The following KCNK1 variants were observed in gnomAD, a reference collection of about 807,000 sequenced individuals.
The protein encoded by KCNK1 is potassium two pore domain channel subfamily K member 1.
KCNK1 carries 10 observed loss-of-function variants against 22.2 expected under a neutral mutation model. That is an observed-to-expected ratio of 0.45 (90% confidence interval 0.28 to 0.76). KCNK1 has a LOEUF of 0.76. Ranked by LOEUF, KCNK1 falls within the 30% of genes least tolerant of loss-of-function variation. The pLI is 0.14. For missense variants in KCNK1, 378 were observed against 421.0 expected (o/e 0.90, Z 0.89); for synonymous variants, 200 against 186.4 (o/e 1.07, Z -0.60).
intron 1 of KCNK1, among the ~76,000 whole-genome samples, chr1:233,614,909 A>AT (rs1657459801): frequency 6.6e-6 from 1 of 152,152 alleles, no homozygotes; most frequent in African/African-American, 2.4e-5. Context: ...TCGGGTTTGA[A>AT]TGTGTAGCAG....
At chr1:233,630,100 A>G (rs1030284367) in intron 1 of KCNK1, among the ~76,000 whole-genome samples, 2 of 152,170 alleles carry the variant, frequency 1.3e-5, no homozygotes, top group African/African-American at 2.4e-5. Context: ...TGGTTCCACC[A>G]TCTGAATTCT....
chr1:233,664,813 C>CTG (rs929512388), intron 1 of KCNK1, among the ~76,000 whole-genome samples: 1 of 152,166 alleles, frequency 6.6e-6, no homozygotes, highest in African/African-American at 2.4e-5. Flanking sequence ...TATTTTTAAG[C>CTG]TGAGTGTATT....
At chr1:233,670,556 T>G (rs925385938) in intron 2 of KCNK1, among the ~76,000 whole-genome samples, 1 of 152,154 alleles carries the variant, frequency 6.6e-6, no homozygotes, top group African/African-American at 2.4e-5. Flanking sequence ...ACATCTTACA[T>G]GGATGGCAGC....
intron 1 of KCNK1, among the ~76,000 whole-genome samples, chr1:233,626,033 T>C (rs1175000253): frequency 6.6e-6 from 1 of 151,966 alleles, no homozygotes; most frequent in Non-Finnish European, 1.5e-5. Context: ...TGACTGACTG[T>C]TCCAACGCGT....
At chr1:233,640,628 G>A (rs1657984093) in intron 1 of KCNK1, among the ~76,000 whole-genome samples, 1 of 152,162 alleles carries the variant, frequency 6.6e-6, no homozygotes, top group South Asian at 2.1e-4. Flanking sequence ...CCTGTAAATT[G>A]TTCCAAAAGA....
At chr1:233,666,045 T>C (rs1440246733) in intron 1 of KCNK1, among the ~76,000 whole-genome samples, 3 of 152,368 alleles carry the variant, frequency 2.0e-5, no homozygotes, top group East Asian at 1.9e-4. Flanking sequence ...TCTATCTTCA[T>C]TGATTCTACT....
chr1:233,654,628 A>G (rs1317803830), intron 1 of KCNK1, among the ~76,000 whole-genome samples: 4 of 152,214 alleles, frequency 2.6e-5, no homozygotes, highest in Non-Finnish European at 5.9e-5. Flanking sequence ...ATGAAGAATG[A>G]GATAACGGGT....
chr1:233,664,014 T>C (rs918290685), intron 1 of KCNK1, among the ~76,000 whole-genome samples: 4 of 152,010 alleles, frequency 2.6e-5, no homozygotes, highest in African/African-American at 7.3e-5. Flanking sequence ...GTATTTTTAG[T>C]AGAGATGGGG....
At chr1:233,634,426 G>A (rs1049079359) in intron 1 of KCNK1, among the ~76,000 whole-genome samples, 14 of 152,146 alleles carry the variant, frequency 9.2e-5, no homozygotes, top group African/African-American at 2.9e-4. Flanking sequence ...TTTATGTGCG[G>A]ACAACAGGGC....
rs1355744116 is a variant in KCNK1 at position 233,671,576 on chromosome 1, A to C, written c.*46A>C. On this transcript the variant is annotated 3_prime_UTR_variant, in exon 3 of 3. Transcript: ENST00000366621. ...TGCTAGAGCACCAGGGTCAGGGTGC[A>C]AGGAAGAGGCTTAAGTATGTTCATT... 1.9e-6 allele frequency: 3 copies of C among 1,607,762 alleles called. No individual in the cohort carries two copies. The African/African-American group carries it at 4.0e-5, about 22-fold the overall frequency.
rs138396705 is a variant in KCNK1 at position 233,614,267 on chromosome 1, C to T, written c.96C>T (p.Leu32=). 2 of 1,613,520 alleles carry T rather than the reference C, an allele frequency of 1.2e-6. No individual in the cohort carries two copies. The highest frequency in any genetic ancestry group is 1.3e-5 in the African/African-American group (1 of 75,052). Residue 32 remains leucine (L), a synonymous_variant, in exon 1 of 3, where the codon CTC becomes CTT. Coordinates refer to ENST00000366621, the MANE Select transcript of KCNK1 (RefSeq NM_002245.4). Reference sequence around the variant, plus strand: ...GCTTCCTGGTGCTGGGCTACTTGCTCTACCTGGTCTTCGGCGCAGTGGTCT... The same window carrying T: ...GCTTCCTGGTGCTGGGCTACTTGCTTTACCTGGTCTTCGGCGCAGTGGTCT... The part of the protein sequence containing the change: ...CFGFLVLGYL[L]YLVFGAVVFS...
At chr1:233,625,204 T>C (rs1657667116) in intron 1 of KCNK1, among the ~76,000 whole-genome samples, 1 of 152,154 alleles carries the variant, frequency 6.6e-6, no homozygotes, top group Non-Finnish European at 1.5e-5. Flanking sequence ...CTAAATCTTA[T>C]AAGACCAAGC....
At chr1:233,651,325 GTATAATAACTTTTAA>G (rs1658199056) in intron 1 of KCNK1, among the ~76,000 whole-genome samples, 1 of 152,190 alleles carries the variant, frequency 6.6e-6, no homozygotes, top group Admixed American at 6.5e-5. Flanking sequence ...AGGCTTTACA[GTATAATAACTTTTAA>G]ACCTAAGGGT....
chr1:233,659,227 T>G (rs1200775281), intron 1 of KCNK1, among the ~76,000 whole-genome samples: 3 of 151,352 alleles, frequency 2.0e-5, no homozygotes, highest in East Asian at 4.0e-4. Flanking sequence ...TGTTAAAAAC[T>G]AAGACACGAA....
rs1254121513 is a variant in KCNK1, at chr1:233,636,605, G to A, written c.355+22079G>A. 3 of 152,672 alleles carry A rather than the reference G, an allele frequency of 2.0e-5. 1 individual carries two copies. The East Asian group carries it at 5.8e-4, about 29-fold the overall frequency. 9.5% of individuals were successfully genotyped at this position (152,672 alleles called of 1,614,324 possible). A position where few individuals can be genotyped will look rare whatever the true frequency, so the allele number is the denominator to read the frequency against. On this transcript the variant is annotated intron_variant, in intron 1 of 2. Transcript: ENST00000366621. ...AGGTGCTCAGCTGTGGATCTGTTAA[G>A]TTTAGATGCCTGTGTGATGGCCAAG... is the stretch of plus-strand genomic sequence containing the variant.
At chr1:233,630,981 T>C (rs886406112) in intron 1 of KCNK1, among the ~76,000 whole-genome samples, 3 of 152,222 alleles carry the variant, frequency 2.0e-5, no homozygotes, top group African/African-American at 7.2e-5. Context: ...AGAAACTTGA[T>C]ACATAGCTTG....
Position 233,669,613 on chromosome 1 carries a change from G to A in KCNK1, c.752-1658G>A, listed in dbSNP as rs1048936070. Reference sequence around the variant, plus strand: ...CTGTAATCATAGTACTTTGGGAGACGAAGGCAGGCAGATCACTAAGGCCAG... The same window carrying A: ...CTGTAATCATAGTACTTTGGGAGACAAAGGCAGGCAGATCACTAAGGCCAG... On this transcript the variant is annotated intron_variant, in intron 2 of 2. Coordinates refer to ENST00000366621, the MANE Select transcript of KCNK1 (RefSeq NM_002245.4). Among the ~76,000 whole-genome samples the A allele has an allele frequency of 3.9e-5, 6 of 152,106 alleles. No individual in the cohort carries two copies. In the East Asian group the frequency reaches 9.6e-4, roughly 24 times the overall value.
At chr1:233,643,460 T>C (rs1027627762) in intron 1 of KCNK1, among the ~76,000 whole-genome samples, 10 of 152,174 alleles carry the variant, frequency 6.6e-5, no homozygotes, top group African/African-American at 2.4e-4. Flanking sequence ...GTGATGAGCT[T>C]CTATTGTGAG....
intron 1 of KCNK1, among the ~76,000 whole-genome samples, chr1:233,625,382 A>G (rs1174865353): frequency 2.6e-5 from 4 of 152,168 alleles, no homozygotes; most frequent in Non-Finnish European, 4.4e-5. Flanking sequence ...AGAAAGGTGG[A>G]GGAAAAGTTT....
Sources: gnomAD v4.1 joint callset for allele counts (sites outside exome capture counted in the v4.1 genomes callset) on GRCh38, gnomAD v4.1.1 for gene constraint, MANE v1.5 for transcripts, NCBI Gene and HGNC (gene_info 2026-07-23, HGNC 2026-07-21) for gene names.